DNER: variants seen among roughly 807,000 people sequenced by gnomAD.
The protein encoded by DNER is delta and Notch-like epidermal growth factor-related receptor.
A neutral mutation model predicts 78.2 loss-of-function variants in DNER; 33 were observed. That is an observed-to-expected ratio of 0.42 (90% CI 0.32 to 0.56). DNER has a LOEUF of 0.56. Ranked by LOEUF, DNER falls within the 20% of genes least tolerant of loss-of-function variation. The pLI, the probability that DNER is intolerant of heterozygous loss-of-function variation, is 0.11. For synonymous variants in DNER, 417 were observed against 384.8 expected (o/e 1.08, Z -0.98); for missense variants, 918 against 975.3 (o/e 0.94, Z 0.78).
chr2:229,388,557 C>T (rs1423818933), intron 10 of DNER, among the ~76,000 whole-genome samples, 161 bp from the exon 11 acceptor site: 11 of 131,842 alleles, frequency 8.3e-5, no homozygotes, highest in East Asian at 7.0e-4. Context: ...AAATTCCAGA[C>T]GAGGGATCTT....
intron 8 of DNER, among the ~76,000 whole-genome samples, chr2:229,425,217 A>G (rs1693847063): frequency 1.3e-5 from 2 of 152,250 alleles, no homozygotes; most frequent in Middle Eastern, 3.4e-3. Context: ...ACTGGCTCAT[A>G]CCAAGCAAAT....
chr2:229,488,021 A>G (rs891320459), intron 6 of DNER, among the ~76,000 whole-genome samples: 8 of 152,216 alleles, frequency 5.3e-5, no homozygotes, highest in Non-Finnish European at 1.2e-4. Context: ...TGTGTTGTAT[A>G]TTGATCTCTT....
chr2:229,564,324 T>TCCTCACCCCATCACCATCATCATCA (rs1697051499), intron 4 of DNER, among the ~76,000 whole-genome samples: 4 of 32,602 alleles, frequency 1.2e-4, no homozygotes, highest in Non-Finnish European at 1.9e-4. Context: ...CATCATCATC[T>TCCTCACCCCATCACCATCATCATCA]TCCTCACCCC....
At chr2:229,494,532 G>C (rs1183536425) in intron 6 of DNER, among the ~76,000 whole-genome samples, 1 of 152,232 alleles carries the variant, frequency 6.6e-6, no homozygotes, top group Non-Finnish European at 1.5e-5. Flanking sequence ...GTATGATGCT[G>C]TGCCCTCCAG....
intron 1 of DNER, among the ~76,000 whole-genome samples, chr2:229,611,505 A>G (rs963584712): frequency 2.6e-5 from 4 of 152,242 alleles, no homozygotes; most frequent in Non-Finnish European, 5.9e-5. Flanking sequence ...AATCTCAATA[A>G]TCAGTCCTTA....
At chr2:229,419,949 A>T (rs1262574630) in intron 8 of DNER, among the ~76,000 whole-genome samples, 4 of 148,178 alleles carry the variant, frequency 2.7e-5, no homozygotes, top group Non-Finnish European at 5.9e-5. Context: ...GAGTGCTGCT[A>T]AGCATCCTAC....
intron 4 of DNER, among the ~76,000 whole-genome samples, chr2:229,566,083 G>T (rs1400901566): frequency 2.0e-5 from 3 of 152,158 alleles, no homozygotes; most frequent in Non-Finnish European, 4.4e-5. Context: ...GTTGATGTGA[G>T]GGGCAATGGG....
chr2:229,363,510 T>G (rs933730567), intron 12 of DNER, among the ~76,000 whole-genome samples: 1 of 152,152 alleles, frequency 6.6e-6, no homozygotes, highest in Non-Finnish European at 1.5e-5. Flanking sequence ...AAACCCCAGG[T>G]TGGAGCTGAA....
chr2:229,575,057 T>C (rs2154214127), intron 4 of DNER, among the ~76,000 whole-genome samples: 1 of 152,296 alleles, frequency 6.6e-6, no homozygotes, highest in African/African-American at 2.4e-5. Flanking sequence ...AGGGATAAAG[T>C]ATTTCTTTCT....
intron 10 of DNER, among the ~76,000 whole-genome samples, chr2:229,404,647 G>T (rs971550159): frequency 6.6e-6 from 1 of 152,166 alleles, no homozygotes; most frequent in Non-Finnish European, 1.5e-5. Flanking sequence ...TGAGCTAGCA[G>T]ATATTTAAAG....
chr2:229,378,091 GCACCACGAGC>G, intron 11 of DNER, among the ~76,000 whole-genome samples: 1 of 152,250 alleles, frequency 6.6e-6, no homozygotes, highest in East Asian at 1.9e-4. Flanking sequence ...AAGGCAGAAG[GCACCACGAGC>G]CAAGAAATGT....
Position 229,690,024 on chromosome 2 carries a change from T to C in DNER, c.276+24124A>G, listed in dbSNP as rs564424615. Among the ~76,000 whole-genome samples, 3 of 152,374 alleles carry C rather than the reference T, an allele frequency of 2.0e-5. No individual in the cohort carries two copies. In the South Asian group the frequency reaches 6.2e-4, roughly 32 times the overall value. On this transcript the variant is annotated intron_variant, in intron 1 of 12. Transcript: ENST00000341772. ...GAGTAATTATATTGGAAAGCTGCAA[T>C]TATTTCCTTTCTGTGGGTCACTGTA...
chr2:229,576,329 T>TC (rs1491367622), intron 4 of DNER, among the ~76,000 whole-genome samples: 59 of 6,408 alleles, frequency 9.2e-3, no homozygotes, highest in African/African-American at 0.025. Context: ...TTTCTCTCTC[T>TC]TTTTTTTTTT....
intron 9 of DNER, among the ~76,000 whole-genome samples, chr2:229,409,944 A>G (rs950927902): frequency 6.6e-6 from 1 of 152,168 alleles, no homozygotes; most frequent in African/African-American, 2.4e-5. Context: ...AACACGGAGA[A>G]TAGACAATCA....
rs1046690513 is a variant in DNER, at chr2:229,406,774, C to G, written c.1723+458G>C. Among the ~76,000 whole-genome samples the G allele has an allele frequency of 5.3e-5, 8 of 152,062 alleles. No homozygotes were observed. In the East Asian group the frequency reaches 5.8e-4, roughly 11 times the overall value. On this transcript the variant is annotated intron_variant, in intron 10 of 12. Coordinates refer to ENST00000341772, the MANE Select transcript of DNER (RefSeq NM_139072.4). ...GTGGCCACCAAGATTTCTGGAGAAG[C>G]CAGTCCTGCCCCGCCAATCTCGCCT...
At chr2:229,406,042 A>G (rs1693373464) in intron 10 of DNER, among the ~76,000 whole-genome samples, 1 of 152,170 alleles carries the variant, frequency 6.6e-6, no homozygotes. Flanking sequence ...AGGAAAACAT[A>G]AGCTGTGACA....
At chr2:229,404,900 G>A (rs962411977) in intron 10 of DNER, among the ~76,000 whole-genome samples, 4 of 148,384 alleles carry the variant, frequency 2.7e-5, no homozygotes, top group African/African-American at 7.4e-5. Flanking sequence ...CATGAAACAC[G>A]AAAAGAAATC....
rs577542872 is a variant in DNER at position 229,586,125 on chromosome 2, C to T, written c.681-101G>A. On this transcript the variant is annotated intron_variant, in intron 3 of 12. Coordinates refer to ENST00000341772, the MANE Select transcript of DNER (RefSeq NM_139072.4). ...ATAAATACAAAGATGGTATGTGCAT[C>T]TACCAAGGTACCAGGAGATCGATGG... 58 of 1,376,564 alleles carry T rather than the reference C, an allele frequency of 4.2e-5. 1 individual carries two copies. In the African/African-American group the frequency reaches 7.9e-4, roughly 19 times the overall value. 85.3% of individuals were successfully genotyped at this position (1,376,564 alleles called of 1,614,324 possible). A position where few individuals can be genotyped will look rare whatever the true frequency, so the allele number is the denominator to read the frequency against.
In DNER at chr2:229,714,236, G is replaced by C. The variant is rs1261371268; in HGVS notation, c.188C>G (p.Pro63Arg). Residue 63 changes from proline to arginine, a missense_variant, in exon 1 of 13, where the codon CCT becomes CGT. Coordinates refer to ENST00000341772, the MANE Select transcript of DNER (RefSeq NM_139072.4). ...GGCCGGGTGCTGCGGGTCCGGCTCA[G>C]GGCGCGAGGTGCACACACCCCCATT... The part of the protein sequence containing the change: ...CRNGGVCTSR[P>R]EPDPQHPAPA... 1 of 1,417,202 alleles carries C rather than the reference G, an allele frequency of 7.1e-7. No homozygotes were observed. Among genetic ancestry groups the C allele is most frequent in the East Asian group, 3.1e-5 (1 of 32,768 alleles). The allele number at this position is 1,417,202 out of a possible 1,614,324, so 87.8% of individuals were successfully genotyped here. A position where few individuals can be genotyped will look rare whatever the true frequency, so the allele number is the denominator to read the frequency against.
Sources: gnomAD v4.1 joint callset for allele counts (sites outside exome capture counted in the v4.1 genomes callset) on GRCh38, gnomAD v4.1.1 for gene constraint, MANE v1.5 for transcripts, NCBI Gene and HGNC (gene_info 2026-07-23, HGNC 2026-07-21) for gene names.